Variants in EML5 observed in about 807,000 individuals in gnomAD.
EML5 encodes the protein EMAP like 5.
Under a neutral mutation model 250.0 loss-of-function variants are expected in EML5, and 120 were observed. The ratio of observed to expected loss-of-function variants is 0.48; its 90% CI spans 0.41 to 0.56. The LOEUF (loss-of-function observed/expected upper bound fraction) is 0.56, where lower values mean the gene tolerates loss of function less well. EML5 is among the 20% of genes least tolerant of loss of function. The pLI is 0.00. For synonymous variants in EML5, 771 were observed against 806.5 expected (o/e 0.96, Z 0.75); for missense variants, 2,006 against 2,437.6 (o/e 0.82, Z 3.73).
chr14:88,783,932 G>A (rs1472443385), intron 1 of EML5, among the ~76,000 whole-genome samples: 1 of 152,180 alleles, frequency 6.6e-6, no homozygotes, highest in Non-Finnish European at 1.5e-5. Flanking sequence ...GTCTTAAAAT[G>A]TTGAAAAACA....
Position 88,661,804 on chromosome 14 carries a change from C to T in EML5, c.3525G>A (p.Trp1175Ter), listed in dbSNP as rs764142945. ...CACAGCATAAACCAAGTACACTTGTCCATGATGCCCAAGCAATTTTTTCTA... is the reference window on the plus strand; with the variant it reads ...CACAGCATAAACCAAGTACACTTGTTCATGATGCCCAAGCAATTTTTTCTA... ...VEVEKIAWAS[W>*]TSVLGLCCEG... is the part of the protein sequence containing the mutation. Residue 1175 changes from tryptophan (W) to a stop codon, truncating the protein, a stop_gained, in exon 25 of 44, where the codon TGG becomes TGA. Transcript: ENST00000554922. LOFTEE classifies it high-confidence loss of function. The T allele has an allele frequency of 6.2e-7, 1 of 1,609,968 alleles. No homozygotes were observed. Among genetic ancestry groups the T allele is most frequent in the Non-Finnish European group, 8.5e-7 (1 of 1,178,012 alleles).
intron 10 of EML5, 114 bp downstream of exon 10, chr14:88,712,157 A>T: frequency 1.4e-6 from 1 of 693,806 alleles, no homozygotes; most frequent in Admixed American, 2.9e-5. Context: ...ACCCTTCACC[A>T]ATCAGTGTAA....
chr14:88,707,042 T>G (rs1475888258), intron 10 of EML5, among the ~76,000 whole-genome samples: 1 of 152,174 alleles, frequency 6.6e-6, no homozygotes, highest in Non-Finnish European at 1.5e-5. Flanking sequence ...CAATTTGGGT[T>G]TTGTCTAATG....
chr14:88,680,659 T>A (rs2092696885), intron 21 of EML5, among the ~76,000 whole-genome samples: 1 of 152,114 alleles, frequency 6.6e-6, no homozygotes, highest in Non-Finnish European at 1.5e-5. Flanking sequence ...TCCAAAATAC[T>A]CATAGTGATA....
intron 2 of EML5, among the ~76,000 whole-genome samples, chr14:88,751,227 A>T (rs1017106407): frequency 3.9e-5 from 6 of 152,168 alleles, no homozygotes; most frequent in Admixed American, 6.6e-5. Flanking sequence ...GCTTTTTATC[A>T]TTTTTTACTT....
At chr14:88,756,002 C>T (rs1050996763) in intron 1 of EML5, among the ~76,000 whole-genome samples, 3 of 151,982 alleles carry the variant, frequency 2.0e-5, no homozygotes, top group African/African-American at 7.3e-5. Flanking sequence ...GGCTTCTGGG[C>T]CAGATCCTGT....
intron 32 of EML5, among the ~76,000 whole-genome samples, chr14:88,636,647 C>T (rs1381600709): frequency 4.6e-5 from 7 of 152,032 alleles, no homozygotes; most frequent in South Asian, 2.1e-4. Flanking sequence ...GGCAACAGAA[C>T]GAGACTCTGT....
Position 88,740,578 on chromosome 14 carries a change from A to C in EML5, c.526-6T>G. 6.3e-7 allele frequency: 1 copy of C among 1,595,990 alleles called. No individual in the cohort carries two copies. Among genetic ancestry groups the C allele is most frequent in the Non-Finnish European group, 8.5e-7 (1 of 1,172,364 alleles). On this transcript the variant is annotated splice_region_variant and splice_polypyrimidine_tract_variant and intron_variant, in intron 4 of 43. Transcript: ENST00000554922. Reference sequence around the variant, plus strand: ...TTTCCACATAAACTCCAGAACTAAAAGGTATATAGTATAATCAAATTACCA... The same window carrying C: ...TTTCCACATAAACTCCAGAACTAAACGGTATATAGTATAATCAAATTACCA...
chr14:88,730,579 C>T (rs565367639), intron 7 of EML5, among the ~76,000 whole-genome samples: 2 of 152,124 alleles, frequency 1.3e-5, no homozygotes, highest in African/African-American at 2.4e-5. Context: ...TTTAAAAACA[C>T]GACAAATAAT....
chr14:88,774,701 T>C (rs2094430865), intron 1 of EML5, among the ~76,000 whole-genome samples: 3 of 152,224 alleles, frequency 2.0e-5, no homozygotes, highest in Admixed American at 2.0e-4. Context: ...TCATCTCCCC[T>C]ACATTAAAAT....
chr14:88,772,052 T>G (rs1019370330), intron 1 of EML5, among the ~76,000 whole-genome samples: 14 of 152,248 alleles, frequency 9.2e-5, no homozygotes, highest in Non-Finnish European at 1.0e-4. Context: ...AAAGAGAATC[T>G]GATTTCCTCC....
intron 36 of EML5, chr14:88,624,724 T>C (rs2089651517): frequency 2.2e-6 from 1 of 447,462 alleles, no homozygotes; most frequent in East Asian, 4.3e-5. Context: ...TAACTCAACT[T>C]GTAGGACAAC....
rs189150257 is a variant in EML5, at chr14:88,639,494, C to T, written c.4238-587G>A. ...AGGATTTGCCAGAGTCACACAGAAA[C>T]CAGTAGTAATTTTCCATTTAATAAT... On this transcript the variant is annotated intron_variant, in intron 31 of 43. Coordinates refer to ENST00000554922, the MANE Select transcript of EML5 (RefSeq NM_183387.3). Among the ~76,000 whole-genome samples, 636 of 152,288 alleles carry T rather than the reference C, an allele frequency of 4.2e-3. 1 individual carries two copies. The highest frequency in any genetic ancestry group is 6.8e-3 in the Middle Eastern group (2 of 294).
intron 21 of EML5, among the ~76,000 whole-genome samples, chr14:88,681,642 T>C (rs2092715329): frequency 6.6e-6 from 1 of 152,216 alleles, no homozygotes; most frequent in African/African-American, 2.4e-5. Context: ...CTGTTTACCT[T>C]CTATATTCTT....
At chr14:88,642,808 A>C in intron 31 of EML5, 85 bp downstream of exon 31, 1 of 1,284,242 alleles carries the variant, frequency 7.8e-7, no homozygotes, top group African/African-American at 1.5e-5. Context: ...TACTATTTAT[A>C]GCTTTAACAA....
At chr14:88,766,967 A>G (rs548818339) in intron 1 of EML5, among the ~76,000 whole-genome samples, 4 of 152,160 alleles carry the variant, frequency 2.6e-5, no homozygotes, top group African/African-American at 9.7e-5. Flanking sequence ...TCATAAATTC[A>G]ACATGTAGGT....
intron 8 of EML5, among the ~76,000 whole-genome samples, chr14:88,718,821 A>T (rs1328966798): frequency 6.6e-6 from 1 of 152,202 alleles, no homozygotes; most frequent in Non-Finnish European, 1.5e-5. Flanking sequence ...GCATGTTCTA[A>T]TAGGGCTCTT....
chr14:88,778,253 CAAAT>C (rs1190126774), intron 1 of EML5, among the ~76,000 whole-genome samples: 2 of 151,948 alleles, frequency 1.3e-5, no homozygotes, highest in African/African-American at 2.4e-5. Flanking sequence ...AACAAGAAAA[CAAAT>C]AACAAAACAG....
intron 17 of EML5, among the ~76,000 whole-genome samples, chr14:88,692,171 T>C (rs1203127441): frequency 1.3e-5 from 2 of 151,952 alleles, no homozygotes; most frequent in Admixed American, 1.3e-4. Flanking sequence ...AGTCAGGGAG[T>C]TCGAGACCAG....
Sources: allele counts gnomAD v4.1 joint callset (sites outside exome capture counted in the v4.1 genomes callset), GRCh38; gene constraint gnomAD v4.1.1; transcripts MANE v1.5; gene names NCBI Gene and HGNC (gene_info 2026-07-23, HGNC 2026-07-21).